The following TMEM171 variants were observed in gnomAD, a reference collection of about 807,000 sequenced individuals.
The protein encoded by TMEM171 is transmembrane protein 171.
A neutral mutation model predicts 19.1 loss-of-function variants in TMEM171; 16 were observed. The ratio of observed to expected loss-of-function variants is 0.84; its 90% confidence interval spans 0.57 to 1.27. TMEM171 has a LOEUF of 1.27. Ranked by LOEUF, TMEM171 falls within the 50% of genes most tolerant of loss-of-function variation. The pLI is 0.00. For synonymous variants in TMEM171, 153 were observed against 163.4 expected, an observed-to-expected ratio of 0.94 and a Z score of 0.48; for missense variants, 429 against 412.7, an observed-to-expected ratio of 1.04 and a Z score of -0.34.
chr5:73,128,075 A>T (rs1170262935), intron 2 of TMEM171, among the ~76,000 whole-genome samples: 4 of 152,060 alleles, frequency 2.6e-5, no homozygotes, highest in Non-Finnish European at 5.9e-5. Context: ...AGTGGCATTG[A>T]ATACAGTCAC....
chr5:73,121,477 C>G (rs1434345414), intron 1 of TMEM171, among the ~76,000 whole-genome samples: 1 of 152,124 alleles, frequency 6.6e-6, no homozygotes, highest in Non-Finnish European at 1.5e-5. Flanking sequence ...TTGGAATGTA[C>G]TCCCTGTAGG....
intron 2 of TMEM171, among the ~76,000 whole-genome samples, chr5:73,126,490 A>G (rs1397547808): frequency 3.3e-5 from 5 of 152,196 alleles, no homozygotes; most frequent in East Asian, 1.9e-4. Context: ...CCAGTGGCCA[A>G]TTGCCTCTGT....
intron 2 of TMEM171, among the ~76,000 whole-genome samples, chr5:73,127,496 G>GTACAAT (rs1158265755): frequency 2.7e-5 from 4 of 148,978 alleles, no homozygotes. Context: ...GAGTGCAGTG[G>GTACAAT]CATGATCCTG....
intron 2 of TMEM171, among the ~76,000 whole-genome samples, chr5:73,125,453 C>T (rs1216191315): frequency 6.6e-6 from 1 of 152,174 alleles, no homozygotes. Flanking sequence ...AGTGGTAGAG[C>T]AAGGTTCCAA....
In TMEM171 at chr5:73,131,607, G is replaced by C; in HGVS notation, c.852G>C (p.Thr284=). ...AATCTATATATACCATTTCTGGGAC[G>C]AATTCATCTTCTGAGGCCTCACACA... The part of the protein sequence containing the change: ...DCESIYTISG[T]NSSSEASHTP... Residue 284 remains threonine (T), a synonymous_variant, in exon 4 of 4, where the codon ACG becomes ACC. Transcript: ENST00000454765. 2 of 1,613,454 alleles carry C rather than the reference G, an allele frequency of 1.2e-6. No individual in the cohort carries two copies. The highest frequency in any genetic ancestry group is 1.6e-4 in the Middle Eastern group (1 of 6,062).
chr5:73,128,272 A>T (rs1744233940), intron 2 of TMEM171, 118 bp from the exon 3 acceptor site: 1 of 1,201,706 alleles, frequency 8.3e-7, no homozygotes, highest in East Asian at 2.4e-5. Flanking sequence ...TTTTGGAGTT[A>T]GCAGCAGGTG....
chr5:73,123,614 G>A lies in TMEM171; in HGVS notation c.241G>A (p.Ala81Thr). 6.2e-7 allele frequency: 1 copy of A among 1,614,240 alleles called. No homozygotes were observed. The highest frequency in any genetic ancestry group is 1.1e-5 in the South Asian group (1 of 91,078). ...GGCTGTGATCCTGGCCCGCTCCCGG[G>A]CGCAACTTCAGCTCCGTGCAGGGCT... ...LGAVILARSRAQLQLRAGLQR... is the reference protein window; with the variant it reads ...LGAVILARSRTQLQLRAGLQR... Residue 81 changes from alanine (A) to threonine (T), a missense_variant, in exon 2 of 4, where the codon GCG (alanine) becomes ACG (threonine). Physicochemically the swap from Ala to Thr is moderately conservative, Grantham distance 58. Coordinates refer to ENST00000454765, the MANE Select transcript of TMEM171 (RefSeq NM_173490.8).
intron 2 of TMEM171, among the ~76,000 whole-genome samples, chr5:73,126,106 C>T (rs552363664): frequency 1.5e-4 from 23 of 152,256 alleles, no homozygotes; most frequent in African/African-American, 4.8e-4. Flanking sequence ...TGTGGGCAGG[C>T]GGAGCTGCTG....
At position 73,120,628 on chromosome 5, in the gene TMEM171, G is replaced by A. The variant is rs1743976969; in HGVS notation, c.-137G>A. 1 of 984,810 alleles carries A rather than the reference G, an allele frequency of 1.0e-6. No homozygotes were observed. Among genetic ancestry groups the A allele is most frequent in the African/African-American group, 1.7e-5 (1 of 57,256 alleles). 61.0% of individuals were successfully genotyped at this position (984,810 alleles called of 1,614,324 possible). ...GGCCGGCGCAGCCGAGGCCGCGTGC[G>A]GAGGCGGACGCCGCGCCCAGCCAGT... On this transcript the variant is annotated 5_prime_UTR_variant, in exon 1 of 4. Transcript: ENST00000454765.
chr5:73,125,832 C>T (rs1445137289), intron 2 of TMEM171, among the ~76,000 whole-genome samples: 1 of 152,162 alleles, frequency 6.6e-6, no homozygotes. Flanking sequence ...CTTTAAGTCC[C>T]CATCAAACCT....
rs146897277 is a variant in TMEM171, at chr5:73,128,455, G to A, written c.706G>A (p.Val236Ile). 721 of 1,614,006 alleles carry A rather than the reference G, an allele frequency of 4.5e-4. 5 individuals are homozygous for A. In the African/African-American group the frequency reaches 8.3e-3, roughly 18 times the overall value. Residue 236 changes from valine (V) to isoleucine (I), a missense_variant, in exon 3 of 4, where the codon GTC becomes ATC. Coordinates refer to ENST00000454765, the MANE Select transcript of TMEM171 (RefSeq NM_173490.8). Reference sequence around the variant, plus strand: ...CTTTCCTGAATCTTCAGCTTCTGCGGTCGCTGAGAGTCCTGGAACTAACAG... The same window carrying A: ...CTTTCCTGAATCTTCAGCTTCTGCGATCGCTGAGAGTCCTGGAACTAACAG... ...PYFPESSASA[V>I]AESPGTNSLL...
intron 1 of TMEM171, among the ~76,000 whole-genome samples, chr5:73,122,209 C>A: frequency 6.6e-6 from 1 of 152,148 alleles, no homozygotes; most frequent in East Asian, 1.9e-4. Context: ...TGTTTTTTAA[C>A]TGAGTCTCAA....
At chr5:73,125,021 G>A (rs1580235139) in intron 2 of TMEM171, among the ~76,000 whole-genome samples, 1 of 152,130 alleles carries the variant, frequency 6.6e-6, no homozygotes. Flanking sequence ...TCCTGTTTGG[G>A]GCTGTCTACT....
chr5:73,121,643 G>A (rs560050730), intron 1 of TMEM171, among the ~76,000 whole-genome samples: 1 of 152,280 alleles, frequency 6.6e-6, no homozygotes, highest in South Asian at 2.1e-4. Flanking sequence ...TGAAATGAAA[G>A]CTTTTTTCCC....
chr5:73,120,613 G>A lies in TMEM171; in HGVS notation c.-152G>A. The A allele has an allele frequency of 1.0e-6, 1 of 984,978 alleles. No homozygotes were observed. The highest frequency in any genetic ancestry group is 1.2e-6 in the Non-Finnish European group (1 of 829,862). The allele number at this position is 984,978 out of a possible 1,614,324, so 61.0% of individuals were successfully genotyped here. A position where few individuals can be genotyped will look rare whatever the true frequency, so the allele number is the denominator to read the frequency against. On this transcript the variant is annotated 5_prime_UTR_variant, in exon 1 of 4. Coordinates refer to ENST00000454765, the MANE Select transcript of TMEM171 (RefSeq NM_173490.8). Reference sequence around the variant, plus strand: ...GGTAGGGTGCAGGGCGGCCGGCGCAGCCGAGGCCGCGTGCGGAGGCGGACG... The same window carrying A: ...GGTAGGGTGCAGGGCGGCCGGCGCAACCGAGGCCGCGTGCGGAGGCGGACG...
intron 1 of TMEM171, 92 bp downstream of exon 1, chr5:73,120,788 G>T (rs559257290): frequency 3.1e-6 from 3 of 973,296 alleles, no homozygotes; most frequent in South Asian, 9.5e-5. Flanking sequence ...CCGCGGCAGC[G>T]CGGAGGCGCT....
chr5:73,123,723 T>G lies in TMEM171; in HGVS notation c.350T>G (p.Phe117Cys). 1 of 1,614,190 alleles carries G rather than the reference T, an allele frequency of 6.2e-7. No homozygotes were observed. The highest frequency in any genetic ancestry group is 8.5e-7 in the Non-Finnish European group (1 of 1,180,038). ...TTTGCCCAGTGCCTTATCTTTGGGT[T>G]TCTGTTCTTGACAAGCGGCATGCTC... ...RQFAQCLIFG[F>C]LFLTSGMLIS... Residue 117 changes from phenylalanine (F) to cysteine (C), a missense_variant, in exon 2 of 4, where the codon TTT (phenylalanine) becomes TGT (cysteine). Phe to Cys is a radical substitution (Grantham distance 205). Coordinates refer to ENST00000454765, the MANE Select transcript of TMEM171 (RefSeq NM_173490.8).
intron 1 of TMEM171, 43 bp from the exon 2 acceptor site, chr5:73,123,263 A>T (rs1477446932): frequency 6.7e-7 from 1 of 1,497,934 alleles, no homozygotes; most frequent in Non-Finnish European, 8.9e-7. Flanking sequence ...TGGTTCTGGA[A>T]CACCTGTGCC....
chr5:73,128,805 A>C (rs1284091768), intron 3 of TMEM171, among the ~76,000 whole-genome samples: 1 of 152,174 alleles, frequency 6.6e-6, no homozygotes, highest in Non-Finnish European at 1.5e-5. Flanking sequence ...AATGTTTAAC[A>C]ACCCTTGCCG....
Sources: allele counts gnomAD v4.1 joint callset (sites outside exome capture counted in the v4.1 genomes callset), GRCh38; gene constraint gnomAD v4.1.1; transcripts MANE v1.5; gene names NCBI Gene and HGNC (gene_info 2026-07-23, HGNC 2026-07-21).